The following TRARG1 variants were observed in gnomAD, a reference collection of about 807,000 sequenced individuals.
The protein encoded by TRARG1 is trafficking regulator of GLUT4 1.
A neutral mutation model predicts 13.3 loss-of-function variants in TRARG1; 16 were observed. That is an observed-to-expected ratio of 1.20 (90% CI 0.81 to 1.83). The LOEUF (loss-of-function observed/expected upper bound fraction) is 1.83, where lower values mean the gene tolerates loss of function less well. Ranked by LOEUF, TRARG1 falls within the 40% of genes most tolerant of loss-of-function variation. TRARG1 has a pLI of 0.00. For synonymous variants in TRARG1, 113 were observed against 106.2 expected (o/e 1.06, Z -0.39); for missense variants, 250 against 237.4 (o/e 1.05, Z -0.35).
At chr17:1,282,041 C>T (rs2071978569) in intron 1 of TRARG1, among the ~76,000 whole-genome samples, 1 of 132,618 alleles carries the variant, frequency 7.5e-6, no homozygotes, top group African/African-American at 2.9e-5. Flanking sequence ...TATATACACA[C>T]ATATGTACAC....
intron 1 of TRARG1, among the ~76,000 whole-genome samples, chr17:1,286,170 G>A (rs2150807768): frequency 6.6e-6 from 1 of 152,366 alleles, no homozygotes; most frequent in South Asian, 2.1e-4. Context: ...CTGCTCAGAG[G>A]GAAGGGGCTG....
chr17:1,290,816 G>C (rs79312610), intron 1 of TRARG1, among the ~76,000 whole-genome samples: 2,606 of 152,096 alleles, frequency 0.017, 33 homozygotes, highest in Middle Eastern at 0.055. Flanking sequence ...TCCTGGGAGG[G>C]ACCCGGTGGA....
chr17:1,298,191 G>C, intron 2 of TRARG1, 60 bp from the exon 3 acceptor site: 1 of 1,609,684 alleles, frequency 6.2e-7, no homozygotes, highest in Non-Finnish European at 8.5e-7. Flanking sequence ...CTCCAGTCAG[G>C]GACTTGAAGA....
rs2071957456 is a variant in TRARG1, at chr17:1,279,757, C to T, written c.-245C>T. 3 of 481,930 alleles carry T rather than the reference C, an allele frequency of 6.2e-6. No individual in the cohort carries two copies. In the East Asian group the frequency reaches 9.8e-5, roughly 16 times the overall value. The allele number at this position is 481,930 out of a possible 1,614,324, so 29.9% of individuals were successfully genotyped here. On this transcript the variant is annotated 5_prime_UTR_variant, in exon 1 of 3. Coordinates refer to ENST00000333813, the MANE Select transcript of TRARG1 (RefSeq NM_172367.3). ...AAGTTGGCCTCAAACTTGAACAAAG[C>T]TGCAGGCTCCAGCGTCTTTCTGGGA...
chr17:1,282,224 GCGTATATGTACGTATATGCA>G (rs2071984157), intron 1 of TRARG1, among the ~76,000 whole-genome samples: 1 of 115,594 alleles, frequency 8.7e-6, no homozygotes, highest in East Asian at 2.9e-4. Context: ...GTATACACGT[GCGTATATGTACGTATATGCA>G]CGTATATGTA....
At chr17:1,282,945 C>T (rs1278868157) in intron 1 of TRARG1, among the ~76,000 whole-genome samples, 1 of 152,146 alleles carries the variant, frequency 6.6e-6, no homozygotes, top group African/African-American at 2.4e-5. Flanking sequence ...CCACCTCGGC[C>T]GCCCAAAGTG....
At position 1,291,372 on chromosome 17, in the gene TRARG1, A is replaced by G. The variant is rs1234370745; in HGVS notation, c.388-4119A>G. Among the ~76,000 whole-genome samples the G allele has an allele frequency of 2.0e-5, 3 of 152,250 alleles. No individual in the cohort carries two copies. The East Asian group carries it at 5.8e-4, about 29-fold the overall frequency. Reference sequence around the variant, plus strand: ...GTGATCCACCTGCCTCGGCCTCCCAAACTGCTGGGATTACAGGCGTGAGCC... The same window carrying G: ...GTGATCCACCTGCCTCGGCCTCCCAGACTGCTGGGATTACAGGCGTGAGCC... On this transcript the variant is annotated intron_variant, in intron 1 of 2. Transcript: ENST00000333813.
intron 1 of TRARG1, among the ~76,000 whole-genome samples, chr17:1,291,823 C>T (rs2072071374): frequency 6.6e-6 from 1 of 152,080 alleles, no homozygotes; most frequent in African/African-American, 2.4e-5. Flanking sequence ...GGAGAAACAG[C>T]CAGAATAAAG....
chr17:1,281,974 GTGTACATATA>G (rs1257532733), intron 1 of TRARG1, among the ~76,000 whole-genome samples: 1 of 148,162 alleles, frequency 6.7e-6, no homozygotes, highest in South Asian at 2.2e-4. Flanking sequence ...ATATGCACAC[GTGTACATATA>G]TGTACATATA....
intron 1 of TRARG1, among the ~76,000 whole-genome samples, chr17:1,281,035 G>A (rs2071969347): frequency 4.6e-5 from 7 of 152,352 alleles, no homozygotes; most frequent in Admixed American, 2.6e-4. Context: ...CAGGGCAGGG[G>A]AGGTCTGGGT....
intron 2 of TRARG1, among the ~76,000 whole-genome samples, chr17:1,296,624 GTC>G (rs752646349): frequency 5.9e-5 from 9 of 151,390 alleles, no homozygotes; most frequent in Non-Finnish European, 1.2e-4. Context: ...TGATTCTCCT[GTC>G]TCAGCCTCTC....
At chr17:1,291,232 T>A (rs1443789925) in intron 1 of TRARG1, among the ~76,000 whole-genome samples, 1 of 152,174 alleles carries the variant, frequency 6.6e-6, no homozygotes, top group Non-Finnish European at 1.5e-5. Context: ...TGCTTCAGCC[T>A]CCTGAGTAGC....
At chr17:1,286,448 A>G (rs1327252425) in intron 1 of TRARG1, among the ~76,000 whole-genome samples, 241 of 55,414 alleles carry the variant, frequency 4.3e-3, no homozygotes, top group African/African-American at 0.011. Flanking sequence ...TCGGCCTGTG[A>G]GTTGTTATCG....
intron 1 of TRARG1, among the ~76,000 whole-genome samples, chr17:1,294,483 T>C (rs1348180900): frequency 2.7e-5 from 4 of 149,280 alleles, no homozygotes; most frequent in African/African-American, 9.9e-5. Context: ...TTTTTTTTTT[T>C]TTTTGAGGCA....
chr17:1,294,565 C>T (rs1422049544), intron 1 of TRARG1, among the ~76,000 whole-genome samples: 2 of 147,950 alleles, frequency 1.4e-5, no homozygotes, highest in Non-Finnish European at 3.0e-5. Flanking sequence ...CTCTGGGGTT[C>T]AAGCAATTCT....
chr17:1,298,556 A>C lies in TRARG1; in HGVS notation c.*292A>C. The C allele has an allele frequency of 5.1e-6, 2 of 390,586 alleles. No individual in the cohort carries two copies. Among genetic ancestry groups the C allele is most frequent in the African/African-American group, 2.0e-5 (1 of 48,982 alleles). 24.2% of individuals were successfully genotyped at this position (390,586 alleles called of 1,614,324 possible). A position where few individuals can be genotyped will look rare whatever the true frequency, so the allele number is the denominator to read the frequency against. ...GTCTGGCTTGTTTCTCATTCCCACA[A>C]TTTCCTGGGTTCCACCAAGCAGCGA... On this transcript the variant is annotated 3_prime_UTR_variant, in exon 3 of 3. Transcript: ENST00000333813.
chr17:1,291,021 T>G (rs1317790454), intron 1 of TRARG1, among the ~76,000 whole-genome samples: 2 of 151,862 alleles, frequency 1.3e-5, no homozygotes, highest in Admixed American at 1.3e-4. Flanking sequence ...TTCTCCTGCC[T>G]CAACCTCCCA....
chr17:1,285,301 C>T (rs2072012635), intron 1 of TRARG1, among the ~76,000 whole-genome samples: 1 of 151,856 alleles, frequency 6.6e-6, no homozygotes, highest in African/African-American at 2.4e-5. Context: ...ATCCCAGCTA[C>T]TCAGGAGGCT....
intron 1 of TRARG1, among the ~76,000 whole-genome samples, chr17:1,291,703 G>A (rs2072070704): frequency 6.6e-6 from 1 of 152,328 alleles, no homozygotes; most frequent in Admixed American, 6.5e-5. Flanking sequence ...AAGAGTGCCA[G>A]CGTTGTTTAT....
Sources: gnomAD v4.1 joint callset for allele counts (sites outside exome capture counted in the v4.1 genomes callset) on GRCh38, gnomAD v4.1.1 for gene constraint, MANE v1.5 for transcripts, NCBI Gene and HGNC (gene_info 2026-07-23, HGNC 2026-07-21) for gene names.